The following TENM2 variants were observed in gnomAD, a reference collection of about 807,000 sequenced individuals.
The protein encoded by TENM2 is teneurin transmembrane protein 2.
In TENM2, 52 loss-of-function variants were observed where a neutral mutation model predicts 245.2. The observed-to-expected ratio is 0.21, with a 90% CI of 0.17 to 0.27. TENM2 has a LOEUF of 0.27. Ranked by LOEUF, TENM2 falls within the 10% of genes least tolerant of loss-of-function variation. TENM2 has a pLI of 1.00. For synonymous variants in TENM2, 1,363 were observed against 1,438.9 expected, an observed-to-expected ratio of 0.95 and a Z score of 1.19; for missense variants, 3,046 against 3,666.8, an observed-to-expected ratio of 0.83 and a Z score of 4.37.
intron 2 of TENM2, among the ~76,000 whole-genome samples, chr5:167,832,308 C>A (rs1768571448): frequency 6.6e-6 from 1 of 152,200 alleles, no homozygotes; most frequent in African/African-American, 2.4e-5. Flanking sequence ...ATGAATTATT[C>A]CCTTTTACAA....
chr5:167,249,340 T>A, the TENM2 span, among the ~76,000 whole-genome samples: 2 of 152,158 alleles, frequency 1.3e-5, no homozygotes, highest in African/African-American at 4.8e-5. Context: ...TGGTAAATTA[T>A]GGCAGCTGGC....
chr5:167,160,779 G>T, the TENM2 span, among the ~76,000 whole-genome samples: 1 of 152,148 alleles, frequency 6.6e-6, no homozygotes, highest in Non-Finnish European at 1.5e-5. Flanking sequence ...CTGAGGATGG[G>T]ATGTGCCTGT....
At chr5:168,252,310 T>C (rs901878656) in intron 27 of TENM2, among the ~76,000 whole-genome samples, 1 of 146,138 alleles carries the variant, frequency 6.8e-6, no homozygotes, top group African/African-American at 2.5e-5. Context: ...CCCAGGAGAT[T>C]GAGGTTGCAA....
chr5:167,198,642 C>A, the TENM2 span, among the ~76,000 whole-genome samples: 1 of 152,074 alleles, frequency 6.6e-6, no homozygotes, highest in East Asian at 1.9e-4. Context: ...TTCTGTGTCC[C>A]TTACTTTGCA....
chr5:168,224,016 T>A (rs1424283405), intron 23 of TENM2, among the ~76,000 whole-genome samples: 1 of 152,108 alleles, frequency 6.6e-6, no homozygotes, highest in South Asian at 2.1e-4. Flanking sequence ...TAGAAACCCA[T>A]GTTGTCGATC....
chr5:167,849,468 G>A (rs1417156904), intron 2 of TENM2, among the ~76,000 whole-genome samples: 1 of 152,042 alleles, frequency 6.6e-6, no homozygotes, highest in Non-Finnish European at 1.5e-5. Flanking sequence ...CATGTTCAAG[G>A]GTTTCTGCCC....
At chr5:167,666,174 G>C (rs1755562071) in intron 2 of TENM2, among the ~76,000 whole-genome samples, 1 of 152,208 alleles carries the variant, frequency 6.6e-6, no homozygotes, top group African/African-American at 2.4e-5. Flanking sequence ...GCCTGTGCCA[G>C]CACGGACCTT....
chr5:168,036,270 C>T (rs113162324), intron 5 of TENM2, among the ~76,000 whole-genome samples: 12 of 152,252 alleles, frequency 7.9e-5, no homozygotes, highest in African/African-American at 2.4e-4. Flanking sequence ...GTGCTGTTGC[C>T]GGTTGACAGA....
At chr5:167,949,525 G>A (rs1488510854) in intron 3 of TENM2, among the ~76,000 whole-genome samples, 1 of 152,064 alleles carries the variant, frequency 6.6e-6, no homozygotes, top group Non-Finnish European at 1.5e-5. Flanking sequence ...CTTGGTTTTC[G>A]GGGACTTGCC....
At chr5:168,028,180 C>T (rs868613286) in intron 5 of TENM2, among the ~76,000 whole-genome samples, 10 of 152,268 alleles carry the variant, frequency 6.6e-5, no homozygotes, top group Middle Eastern at 3.4e-3. Context: ...AGCCTTCTGC[C>T]GCCTCTCTCA....
At chr5:168,166,881 G>T (rs567513456) in intron 13 of TENM2, among the ~76,000 whole-genome samples, 55 of 152,208 alleles carry the variant, frequency 3.6e-4, no homozygotes, top group Admixed American at 2.6e-3. Flanking sequence ...AACAGTTTAT[G>T]CCAACTCCCT....
intron 2 of TENM2, among the ~76,000 whole-genome samples, chr5:167,810,988 A>G (rs1300371516): frequency 6.6e-6 from 1 of 152,206 alleles, no homozygotes; most frequent in Non-Finnish European, 1.5e-5. Context: ...TAATGCAACC[A>G]GACAATAGTG....
At chr5:167,725,599 C>A (rs1759944521) in intron 2 of TENM2, among the ~76,000 whole-genome samples, 1 of 152,186 alleles carries the variant, frequency 6.6e-6, no homozygotes, top group Non-Finnish European at 1.5e-5. Context: ...CCCTCCCTCC[C>A]TGTTTCTGCA....
At position 168,098,015 on chromosome 5, in the gene TENM2, C is replaced by T; in HGVS notation, c.1712-11C>T. ...AGGAAAAGGTAAACACTACATTTAT[C>T]TCTTTTTCAGATTCAGTGCAGGACT... is the stretch of plus-strand genomic sequence containing the variant. On this transcript the variant is annotated splice_polypyrimidine_tract_variant and intron_variant, in intron 8 of 28. Coordinates refer to ENST00000518659, the Ensembl canonical transcript of TENM2. 1 of 1,599,640 alleles carries T rather than the reference C, an allele frequency of 6.3e-7. No individual in the cohort carries two copies.
intron 2 of TENM2, among the ~76,000 whole-genome samples, chr5:167,588,139 A>G (rs1274701327): frequency 2.0e-5 from 3 of 152,234 alleles, no homozygotes; most frequent in Non-Finnish European, 4.4e-5. Flanking sequence ...CATATGTTTC[A>G]TCATAAATGA....
the TENM2 span, among the ~76,000 whole-genome samples, chr5:167,150,418 T>C: frequency 1.3e-5 from 2 of 152,214 alleles, no homozygotes; most frequent in African/African-American, 4.8e-5. Flanking sequence ...TATTCAAGCT[T>C]GGGGTCAAGT....
chr5:167,552,388 G>T (rs1393858485), intron 2 of TENM2, among the ~76,000 whole-genome samples: 5 of 152,078 alleles, frequency 3.3e-5, no homozygotes, highest in African/African-American at 1.2e-4. Flanking sequence ...TCTTTCCCAT[G>T]ATTTTTACCT....
intron 9 of TENM2, among the ~76,000 whole-genome samples, chr5:168,103,008 C>T (rs1046706654): frequency 2.6e-5 from 4 of 152,068 alleles, no homozygotes; most frequent in Non-Finnish European, 5.9e-5. Context: ...TTAGGTATGT[C>T]TCCTAATGCT....
chr5:167,959,905 T>C (rs994678953), intron 4 of TENM2, among the ~76,000 whole-genome samples: 1 of 152,198 alleles, frequency 6.6e-6, no homozygotes, highest in African/African-American at 2.4e-5. Context: ...TCCTTTTTGT[T>C]GATGGTGATG....
Sources: allele counts gnomAD v4.1 joint callset (sites outside exome capture counted in the v4.1 genomes callset), GRCh38; gene constraint gnomAD v4.1.1; transcripts MANE v1.5; gene names NCBI Gene and HGNC (gene_info 2026-07-23, HGNC 2026-07-21).